Variants in SUN1 observed in about 807,000 individuals in gnomAD.
The protein encoded by SUN1 is SUN domain-containing protein 1.
Under a neutral mutation model 103.2 loss-of-function variants are expected in SUN1, and 61 were observed. That is an observed-to-expected ratio of 0.59 (90% CI 0.48 to 0.73). The LOEUF (loss-of-function observed/expected upper bound fraction) is 0.73, where lower values mean the gene tolerates loss of function less well. Among genes scored for constraint, SUN1 ranks in the 30% least tolerant of loss-of-function variants. SUN1 has a pLI of 0.00. For missense variants in SUN1, 1,052 were observed against 1,034.6 expected, an observed-to-expected ratio of 1.02 and a Z score of -0.23; for synonymous variants, 490 against 425.7, an observed-to-expected ratio of 1.15 and a Z score of -1.86.
chr7:836,093 C>T (rs911451159), intron 1 of SUN1, among the ~76,000 whole-genome samples: 5 of 152,186 alleles, frequency 3.3e-5, no homozygotes, highest in Admixed American at 6.5e-5. Flanking sequence ...TGCAACCTGT[C>T]GGCTGCTGGG....
chr7:821,163 T>TG, intron 1 of SUN1, among the ~76,000 whole-genome samples: 1 of 125,886 alleles, frequency 7.9e-6, no homozygotes, highest in African/African-American at 3.1e-5. Context: ...CACATCTTTT[T>TG]TTTTTTTTTT....
chr7:848,027 T>G (rs1335563340), intron 5 of SUN1, among the ~76,000 whole-genome samples: 1 of 102,304 alleles, frequency 9.8e-6, no homozygotes, highest in African/African-American at 4.2e-5. Flanking sequence ...GGGGTTACTC[T>G]GCAGTCCAGT....
rs1831351416 is a variant in SUN1, at chr7:860,516, G to A, written c.1779+134G>A. 4 of 1,441,490 alleles carry A rather than the reference G, an allele frequency of 2.8e-6. No individual in the cohort carries two copies. The Admixed American group carries it at 8.6e-5, about 31-fold the overall frequency. The allele number at this position is 1,441,490 out of a possible 1,614,324, so 89.3% of individuals were successfully genotyped here. A position where few individuals can be genotyped will look rare whatever the true frequency, so the allele number is the denominator to read the frequency against. ...GCTGGGGTGTGCTTAGCTGACGTAA[G>A]TGAGATGAGACGTGCCTGGGCAGTG... On this transcript the variant is annotated intron_variant, in intron 14 of 18. Transcript: ENST00000401592.
In SUN1 at chr7:873,221, C is replaced by A; in HGVS notation, c.2248C>A (p.Pro750Thr). 1 of 1,614,194 alleles carries A rather than the reference C, an allele frequency of 6.2e-7. No individual in the cohort carries two copies. Among genetic ancestry groups the A allele is most frequent in the Non-Finnish European group, 8.5e-7 (1 of 1,180,026 alleles). ...SLQMFQALKR[P>T]DDTAFQIVEL... is the part of the protein sequence containing the mutation. ...TTTCCCACCTTGATTTCAGAAAAGA[C>A]CCGACGACACAGCTTTCCAAATAGT... is the stretch of plus-strand genomic sequence containing the variant. The change falls in exon 19 of 19, where the codon CCC (proline) becomes ACC (threonine). Residue 750 changes from proline (P) to threonine (T), a missense_variant. This residue lies in a region of SUN1 where 206 missense variants were observed against 260.1 expected (regional missense o/e 0.79). Transcript: ENST00000401592.
intron 5 of SUN1, among the ~76,000 whole-genome samples, chr7:844,458 G>A (rs138819786): frequency 5.3e-5 from 8 of 152,328 alleles, no homozygotes; most frequent in East Asian, 1.9e-4. Flanking sequence ...TCAAATGACC[G>A]GACATAATGA....
At chr7:842,676 A>G (rs1392464039) in intron 3 of SUN1, 1 of 191,812 alleles carries the variant, frequency 5.2e-6, no homozygotes, top group Non-Finnish European at 1.1e-5. Flanking sequence ...AAGGCTGTGC[A>G]TGGAGAGGGA....
chr7:873,404 C>G lies in SUN1; in HGVS notation c.*73C>G. ...GTGAAACACTGGAATCCTTCATGGA[C>G]GAGGGCATATACAATGATGGGACAG... On this transcript the variant is annotated 3_prime_UTR_variant, in exon 19 of 19. Transcript: ENST00000401592. 2 of 1,334,040 alleles carry G rather than the reference C, an allele frequency of 1.5e-6. No individual in the cohort carries two copies. Among genetic ancestry groups the G allele is most frequent in the Non-Finnish European group, 1.1e-6 (1 of 930,262 alleles). 82.6% of individuals were successfully genotyped at this position (1,334,040 alleles called of 1,614,324 possible).
intron 1 of SUN1, among the ~76,000 whole-genome samples, chr7:819,065 G>C (rs1011138388): frequency 1.6e-4 from 25 of 152,070 alleles, no homozygotes; most frequent in African/African-American, 6.0e-4. Context: ...GTTTCTCCAT[G>C]TTGGTCAGGC....
chr7:848,581 C>T (rs369952519), intron 5 of SUN1: 415 of 1,349,418 alleles, frequency 3.1e-4, no homozygotes, highest in South Asian at 3.7e-4. Context: ...ATTGTGAATC[C>T]GAAAGCTATA....
intron 15 of SUN1, among the ~76,000 whole-genome samples, chr7:861,724 T>G (rs979878270): frequency 3.3e-5 from 5 of 152,166 alleles, no homozygotes; most frequent in African/African-American, 1.2e-4. Context: ...ACAGAAAGTG[T>G]GCTCGACTGT....
intron 13 of SUN1, 131 bp downstream of exon 13, chr7:858,088 G>A: frequency 8.5e-7 from 1 of 1,174,172 alleles, no homozygotes; most frequent in Admixed American, 3.2e-5. Context: ...TCTTGCTGTG[G>A]CACGCAGGCT....
chr7:821,704 A>C (rs1488179842), intron 1 of SUN1, among the ~76,000 whole-genome samples: 1 of 152,140 alleles, frequency 6.6e-6, no homozygotes, highest in East Asian at 1.9e-4. Context: ...CCCTTACCGC[A>C]GCGTTTCAGG....
At chr7:815,580 A>G (rs1780120413), upstream of SUN1, among the ~76,000 whole-genome samples, 1 of 152,198 alleles carries the variant, frequency 6.6e-6, no homozygotes, top group African/African-American at 2.4e-5. Context: ...CTTGTCTCAA[A>G]AAAAAAACAA....
chr7:869,289 G>A (rs1585310613), intron 16 of SUN1, 60 bp from the exon 17 acceptor site: 1 of 1,549,036 alleles, frequency 6.5e-7, no homozygotes, highest in East Asian at 2.3e-5. Flanking sequence ...TCCTCTTCCT[G>A]CTGCTAAGTG....
intron 3 of SUN1, chr7:842,376 G>A (rs1233301570): frequency 7.6e-6 from 4 of 528,956 alleles, no homozygotes; most frequent in Non-Finnish European, 1.4e-5. Flanking sequence ...GCCTTGTCGG[G>A]TGGTCATTGG....
At chr7:855,814 G>C (rs1215424283) in intron 11 of SUN1, among the ~76,000 whole-genome samples, 1 of 152,000 alleles carries the variant, frequency 6.6e-6, no homozygotes, top group Non-Finnish European at 1.5e-5. Context: ...GAGAGGGTCT[G>C]CGGGGCGCCT....
chr7:821,701 C>T (rs1032393059), intron 1 of SUN1, among the ~76,000 whole-genome samples: 8 of 152,082 alleles, frequency 5.3e-5, no homozygotes, highest in African/African-American at 1.2e-4. Context: ...TTGCCCTTAC[C>T]GCAGCGTTTC....
chr7:827,110 C>A (rs539158238), intron 1 of SUN1, among the ~76,000 whole-genome samples: 29 of 152,270 alleles, frequency 1.9e-4, no homozygotes, highest in Non-Finnish European at 3.4e-4. Flanking sequence ...CAACCTCTGC[C>A]TCCCGGGTTC....
chr7:836,094 G>A (rs1194246262), intron 1 of SUN1, among the ~76,000 whole-genome samples: 2 of 152,224 alleles, frequency 1.3e-5, no homozygotes, highest in African/African-American at 4.8e-5. Flanking sequence ...GCAACCTGTC[G>A]GCTGCTGGGG....
Sources: gnomAD v4.1 joint callset for allele counts (sites outside exome capture counted in the v4.1 genomes callset) on GRCh38, gnomAD v4.1.1 for gene constraint, gnomAD v4.1.1 regional missense constraint, MANE v1.5 for transcripts, NCBI Gene and HGNC (gene_info 2026-07-23, HGNC 2026-07-21) for gene names.